Variants in CCDC172 observed in about 807,000 individuals in gnomAD.
CCDC172 encodes the protein coiled-coil domain-containing protein 172.
CCDC172 carries 30 observed loss-of-function variants against 38.0 expected under a neutral mutation model. The ratio of observed to expected loss-of-function variants is 0.79; its 90% confidence interval spans 0.59 to 1.07. The LOEUF is 1.07. Ranked by LOEUF, CCDC172 falls within the 50% of genes least tolerant of loss-of-function variation. The probability of loss-of-function intolerance (pLI) is 0.00; values close to 1 mark genes in which losing one functional copy is unlikely to be tolerated. For missense variants in CCDC172, 297 were observed against 290.1 expected (o/e 1.02, Z -0.17); for synonymous variants, 78 against 88.3 (o/e 0.88, Z 0.66).
intron 7 of CCDC172, among the ~76,000 whole-genome samples, chr10:116,365,572 A>G (rs1845113545): frequency 6.6e-6 from 1 of 152,202 alleles, no homozygotes; most frequent in Non-Finnish European, 1.5e-5. Context: ...AAAAATATTT[A>G]TTACAAGGGT....
intron 5 of CCDC172, among the ~76,000 whole-genome samples, chr10:116,353,470 T>C (rs1844957741): frequency 6.6e-6 from 1 of 152,228 alleles, no homozygotes; most frequent in Admixed American, 6.5e-5. Context: ...GGAGAAAATA[T>C]TTGCAAATCA....
In CCDC172 at chr10:116,341,919, G is replaced by A. The variant is rs561198614; in HGVS notation, c.283-117G>A. 3 of 698,078 alleles carry A rather than the reference G, an allele frequency of 4.3e-6. No homozygotes were observed. In the African/African-American group the frequency reaches 5.6e-5, roughly 13 times the overall value. 43.2% of individuals were successfully genotyped at this position (698,078 alleles called of 1,614,324 possible). On this transcript the variant is annotated intron_variant, in intron 4 of 8. Transcript: ENST00000333254. ...AAAAACATTTTTGCCATAAAACCAG[G>A]AAGTGTAACTATATACTTTCATTGT...
At chr10:116,327,666 G>A (rs1306185969) in intron 3 of CCDC172, among the ~76,000 whole-genome samples, 1 of 152,038 alleles carries the variant, frequency 6.6e-6, no homozygotes, top group Admixed American at 6.6e-5. Context: ...GCTCATATAT[G>A]TGGGTAATAA....
chr10:116,337,811 T>G (rs1194673203), intron 3 of CCDC172, among the ~76,000 whole-genome samples: 5 of 152,218 alleles, frequency 3.3e-5, no homozygotes, highest in African/African-American at 1.2e-4. Flanking sequence ...TTCTGATGAT[T>G]ATTTATTCAT....
At chr10:116,371,278 C>T (rs935112794) in intron 7 of CCDC172, among the ~76,000 whole-genome samples, 43 of 151,396 alleles carry the variant, frequency 2.8e-4, no homozygotes, top group African/African-American at 9.4e-4. Context: ...TTTTAAACAC[C>T]CTTTCAGCAC....
chr10:116,342,057 A>C lies in CCDC172; in HGVS notation c.304A>C (p.Ile102Leu). Residue 102 changes from isoleucine (I) to leucine (L), a missense_variant, in exon 5 of 9, where the codon ATA becomes CTA. By Grantham distance (5) the Ile-to-Leu change is conservative. Transcript: ENST00000333254. ...QTFEAIKKQM[I>L]EEEDKFIKEI... ...TCAGGAGGCTATAAAGAAACAAATG[A>C]TAGAGGAGGAAGACAAATTTATTAA... 6.6e-7 allele frequency: 1 copy of C among 1,519,134 alleles called. No homozygotes were observed. Among genetic ancestry groups the C allele is most frequent in the Non-Finnish European group, 8.8e-7 (1 of 1,131,828 alleles). 94.1% of individuals were successfully genotyped at this position (1,519,134 alleles called of 1,614,324 possible). A position where few individuals can be genotyped will look rare whatever the true frequency, so the allele number is the denominator to read the frequency against.
intron 5 of CCDC172, among the ~76,000 whole-genome samples, chr10:116,349,738 G>C (rs952302086): frequency 6.6e-6 from 1 of 152,046 alleles, no homozygotes; most frequent in Non-Finnish European, 1.5e-5. Context: ...TGGTGTTACT[G>C]TAGTGACCAA....
At chr10:116,368,444 A>T (rs780107710) in intron 7 of CCDC172, among the ~76,000 whole-genome samples, 15 of 151,064 alleles carry the variant, frequency 9.9e-5, no homozygotes, top group Non-Finnish European at 1.6e-4. Context: ...TTTCTCCTTT[A>T]AAAAAAAATT....
intron 3 of CCDC172, among the ~76,000 whole-genome samples, chr10:116,333,036 G>A (rs1844685304): frequency 6.6e-6 from 1 of 151,806 alleles, no homozygotes; most frequent in South Asian, 2.1e-4. Flanking sequence ...ATCTTTCTCT[G>A]CTATGTCCTT....
chr10:116,363,033 T>A (rs1272746311), intron 7 of CCDC172, among the ~76,000 whole-genome samples: 2 of 152,236 alleles, frequency 1.3e-5, no homozygotes, highest in Non-Finnish European at 2.9e-5. Context: ...CCCTAAATTG[T>A]GAAATAATTT....
chr10:116,348,111 G>A (rs560326027), intron 5 of CCDC172, among the ~76,000 whole-genome samples: 2 of 151,642 alleles, frequency 1.3e-5, no homozygotes, highest in Admixed American at 6.6e-5. Flanking sequence ...TTGGAAAAAT[G>A]TACGTACTAT....
At chr10:116,334,669 C>A (rs1459282452) in intron 3 of CCDC172, among the ~76,000 whole-genome samples, 1 of 151,878 alleles carries the variant, frequency 6.6e-6, no homozygotes, top group Non-Finnish European at 1.5e-5. Context: ...TTTCTATCAT[C>A]ATTGCAGTGA....
chr10:116,347,737 GA>G (rs908305667), intron 5 of CCDC172, among the ~76,000 whole-genome samples: 2 of 152,064 alleles, frequency 1.3e-5, no homozygotes, highest in African/African-American at 4.8e-5. Flanking sequence ...AGTAAAATTA[GA>G]AACACAGTAA....
intron 7 of CCDC172, among the ~76,000 whole-genome samples, chr10:116,365,876 T>G (rs988512633): frequency 3.9e-5 from 6 of 152,174 alleles, no homozygotes; most frequent in African/African-American, 1.4e-4. Flanking sequence ...TACAGTAACA[T>G]GTGGTACAGG....
intron 5 of CCDC172, among the ~76,000 whole-genome samples, chr10:116,354,834 G>A (rs778964678): frequency 5.3e-5 from 8 of 152,212 alleles, no homozygotes; most frequent in Non-Finnish European, 1.0e-4. Flanking sequence ...AAGATGTTAT[G>A]GAGGTCAAAG....
chr10:116,364,161 T>C (rs956040472), intron 7 of CCDC172, among the ~76,000 whole-genome samples: 4 of 152,104 alleles, frequency 2.6e-5, no homozygotes, highest in African/African-American at 9.7e-5. Flanking sequence ...TACCGTACAG[T>C]AGGCTAGTTG....
Position 116,342,042 on chromosome 10 carries a change from A to G in CCDC172, c.289A>G (p.Ile97Val), listed in dbSNP as rs866518323. Residue 97 changes from isoleucine to valine, a missense_variant, in exon 5 of 9, where the codon ATA becomes GTA. By Grantham distance (29) the Ile-to-Val change is conservative. Transcript: ENST00000333254. Reference sequence around the variant, plus strand: ...TTTTATTTATGTTTTTCAGGAGGCTATAAAGAAACAAATGATAGAGGAGGA... The same window carrying G: ...TTTTATTTATGTTTTTCAGGAGGCTGTAAAGAAACAAATGATAGAGGAGGA... ...RNMLLQTFEAIKKQMIEEEDK... is the reference protein window; with the variant it reads ...RNMLLQTFEAVKKQMIEEEDK... 3.3e-6 allele frequency: 5 copies of G among 1,499,072 alleles called. No individual in the cohort carries two copies. The highest frequency in any genetic ancestry group is 2.9e-5 in the African/African-American group (2 of 68,260). 92.9% of individuals were successfully genotyped at this position (1,499,072 alleles called of 1,614,324 possible). A position where few individuals can be genotyped will look rare whatever the true frequency, so the allele number is the denominator to read the frequency against.
intron 5 of CCDC172, among the ~76,000 whole-genome samples, chr10:116,345,430 G>A (rs922664162): frequency 6.6e-6 from 1 of 151,952 alleles, no homozygotes; most frequent in Non-Finnish European, 1.5e-5. Flanking sequence ...CTTGGAATAG[G>A]CAATGATTTC....
chr10:116,353,050 G>A (rs755513357), intron 5 of CCDC172, among the ~76,000 whole-genome samples: 5 of 151,918 alleles, frequency 3.3e-5, no homozygotes, highest in South Asian at 2.1e-4. Flanking sequence ...AAAATTAGCC[G>A]GGCATGGTGG....
Sources: allele counts gnomAD v4.1 joint callset (sites outside exome capture counted in the v4.1 genomes callset), GRCh38; gene constraint gnomAD v4.1.1; transcripts MANE v1.5; gene names NCBI Gene and HGNC (gene_info 2026-07-23, HGNC 2026-07-21).